The following MAP2 variants were observed in gnomAD, a reference collection of about 807,000 sequenced individuals.
The protein encoded by MAP2 is microtubule associated protein 2, also known as microtubule-associated protein 2.
Under a neutral mutation model 137.6 loss-of-function variants are expected in MAP2, and 14 were observed. That is an observed-to-expected ratio of 0.10 (90% CI 0.07 to 0.16). The LOEUF (loss-of-function observed/expected upper bound fraction) is 0.16, where lower values mean the gene tolerates loss of function less well. Among genes scored for constraint, MAP2 ranks in the 10% least tolerant of loss-of-function variants. The pLI is 1.00. For synonymous variants in MAP2, 786 were observed against 782.3 expected (o/e 1.00, Z -0.08); for missense variants, 2,088 against 2,191.5 (o/e 0.95, Z 0.94).
chr2:209,712,548 C>T, intron 13 of MAP2, among the ~76,000 whole-genome samples: 1 of 152,050 alleles, frequency 6.6e-6, no homozygotes, highest in East Asian at 1.9e-4. Context: ...CCAAGATAAA[C>T]AGATGAAAGA....
intron 1 of MAP2, among the ~76,000 whole-genome samples, chr2:209,482,636 A>G (rs2057871508): frequency 6.6e-6 from 1 of 152,168 alleles, no homozygotes; most frequent in South Asian, 2.1e-4. Context: ...ACATTATCTG[A>G]TTATCTCAAA....
chr2:209,501,672 A>G (rs2060393655), intron 1 of MAP2, among the ~76,000 whole-genome samples: 1 of 152,168 alleles, frequency 6.6e-6, no homozygotes, highest in African/African-American at 2.4e-5. Context: ...TACTACACAA[A>G]AAGTCTTGAC....
Position 209,549,482 on chromosome 2 carries a change from C to G in MAP2, c.-171-30554C>G, listed in dbSNP as rs1231469051. Among the ~76,000 whole-genome samples, 9 of 152,240 alleles carry G rather than the reference C, an allele frequency of 5.9e-5. No individual in the cohort carries two copies. The East Asian group carries it at 1.5e-3, about 26-fold the overall frequency. On this transcript the variant is annotated intron_variant, in intron 2 of 15. Transcript: ENST00000682079. The stretch of plus-strand genomic sequence containing the variant: ...GAACTGTGTTATTATTCCCAAAAGT[C>G]AGTCTTAGTTACCTATAAGGAATAA...
Position 209,653,176 on chromosome 2 carries a change from A to G in MAP2, c.6A>G (p.Ala2=). Residue 2 remains alanine (A), a synonymous_variant, in exon 5 of 16, where the codon GCA becomes GCG. Transcript: ENST00000682079. Reference sequence around the variant, plus strand: ...AAATAACAAGGCATTGAAGAATGGCAGATGAACGGAAAGATGAAGCAAAGG... The same window carrying G: ...AAATAACAAGGCATTGAAGAATGGCGGATGAACGGAAAGATGAAGCAAAGG... M[A]DERKDEAKAP... The G allele has an allele frequency of 1.9e-6, 3 of 1,594,654 alleles. No individual in the cohort carries two copies. Among genetic ancestry groups the G allele is most frequent in the Non-Finnish European group, 2.6e-6 (3 of 1,172,024 alleles).
At chr2:209,608,069 A>T (rs949960563) in intron 3 of MAP2, among the ~76,000 whole-genome samples, 1 of 152,158 alleles carries the variant, frequency 6.6e-6, no homozygotes, top group Non-Finnish European at 1.5e-5. Context: ...TTTACTTTTT[A>T]TGTTGAATGA....
chr2:209,508,801 T>C (rs1177204241), intron 2 of MAP2, among the ~76,000 whole-genome samples: 1 of 152,052 alleles, frequency 6.6e-6, no homozygotes, highest in South Asian at 2.1e-4. Context: ...ATTATTTTAT[T>C]AAGTGTTTTT....
intron 1 of MAP2, among the ~76,000 whole-genome samples, chr2:209,461,359 A>G (rs1702762715): frequency 6.6e-6 from 1 of 152,244 alleles, no homozygotes; most frequent in Admixed American, 6.5e-5. Flanking sequence ...CATGCCAGAC[A>G]GTATGGATTC....
intron 4 of MAP2, among the ~76,000 whole-genome samples, chr2:209,627,611 C>T (rs1271076786): frequency 6.6e-6 from 1 of 152,042 alleles, no homozygotes; most frequent in Non-Finnish European, 1.5e-5. Flanking sequence ...ATTCTGCCTA[C>T]CAGAAAATAA....
intron 1 of MAP2, among the ~76,000 whole-genome samples, chr2:209,504,266 T>TA (rs11389534): frequency 0.53 from 79,291 of 149,376 alleles, 21,836 homozygotes; most frequent in Middle Eastern, 0.62. Flanking sequence ...AACTGAACTT[T>TA]AAAAAAAAAA....
rs559914696 is a variant in MAP2 at position 209,721,170 on chromosome 2, T to C, written c.5074-4539T>C. Among the ~76,000 whole-genome samples, 27 of 152,314 alleles carry C rather than the reference T, an allele frequency of 1.8e-4. No homozygotes were observed. The East Asian group carries it at 4.8e-3, about 27-fold the overall frequency. On this transcript the variant is annotated intron_variant, in intron 13 of 15. Coordinates refer to ENST00000682079, the MANE Select transcript of MAP2 (RefSeq NM_001375505.1). Reference sequence around the variant, plus strand: ...GAATAGGCGAACATTCAGGTGCAAGTTGTCAAGCTAGAGTGTAACTCTTCA... The same window carrying C: ...GAATAGGCGAACATTCAGGTGCAAGCTGTCAAGCTAGAGTGTAACTCTTCA...
At chr2:209,437,942 A>C (rs1016779787) in intron 1 of MAP2, among the ~76,000 whole-genome samples, 1 of 151,598 alleles carries the variant, frequency 6.6e-6, no homozygotes, top group Non-Finnish European at 1.5e-5. Flanking sequence ...TTTCAACCAG[A>C]TGTGGAACAT....
In MAP2 at chr2:209,629,420, G is replaced by A. The variant is rs114648144; in HGVS notation, c.-30+4291G>A. Among the ~76,000 whole-genome samples, 1,387 of 152,116 alleles carry A rather than the reference G, an allele frequency of 9.1e-3. 18 individuals are homozygous for A. The highest frequency in any genetic ancestry group is 0.032 in the African/African-American group (1,326 of 41,478). On this transcript the variant is annotated intron_variant, in intron 4 of 15. Coordinates refer to ENST00000682079, the MANE Select transcript of MAP2 (RefSeq NM_001375505.1). ...GTGTTTATATCATTGAGAACATTTG[G>A]CAAGAGAAAGACAAACAGTAGAACC...
chr2:209,686,035 A>G (rs1298121011), intron 7 of MAP2, among the ~76,000 whole-genome samples: 1 of 152,246 alleles, frequency 6.6e-6, no homozygotes, highest in Non-Finnish European at 1.5e-5. Flanking sequence ...AGTAACTTGC[A>G]TACATGGGGA....
intron 11 of MAP2, chr2:209,704,337 GTTC>G: frequency 1.2e-6 from 1 of 810,368 alleles, no homozygotes; most frequent in Non-Finnish European, 1.9e-6. Context: ...TTTATCATGT[GTTC>G]TTATTAAAAA....
chr2:209,498,043 A>G lies in MAP2; in HGVS notation c.-221-9549A>G, dbSNP rs544308381. Among the ~76,000 whole-genome samples the G allele has an allele frequency of 3.9e-5, 6 of 152,338 alleles. No homozygotes were observed. The South Asian group carries it at 1.0e-3, about 26-fold the overall frequency. On this transcript the variant is annotated intron_variant, in intron 1 of 15. Coordinates refer to ENST00000682079, the MANE Select transcript of MAP2 (RefSeq NM_001375505.1). ...ATTCAAAAGTACAAAGCCTCATTTG[A>G]AACAAGGCAAATCCCTTCAATCTAC...
intron 1 of MAP2, among the ~76,000 whole-genome samples, chr2:209,458,077 AT>A (rs971377922): frequency 2.6e-4 from 39 of 148,810 alleles, no homozygotes; most frequent in East Asian, 7.8e-4. Context: ...TAAGTAGGTA[AT>A]TTTTTTTTTT....
At chr2:209,468,886 G>T (rs1472797197) in intron 1 of MAP2, among the ~76,000 whole-genome samples, 1 of 152,160 alleles carries the variant, frequency 6.6e-6, no homozygotes, top group Non-Finnish European at 1.5e-5. Flanking sequence ...TAATGTTGAT[G>T]GGACTGCTCC....
intron 1 of MAP2, among the ~76,000 whole-genome samples, chr2:209,430,430 CT>C (rs1364257672): frequency 6.6e-6 from 1 of 151,722 alleles, no homozygotes; most frequent in Non-Finnish European, 1.5e-5. Flanking sequence ...TATATATTTG[CT>C]TTTTTCATTG....
intron 1 of MAP2, among the ~76,000 whole-genome samples, chr2:209,444,909 A>T (rs1182787730): frequency 6.6e-6 from 1 of 151,468 alleles, no homozygotes; most frequent in Non-Finnish European, 1.5e-5. Context: ...ATTGTCACAT[A>T]TAAAAAAGCT....
Sources: gnomAD v4.1 joint callset for allele counts (sites outside exome capture counted in the v4.1 genomes callset) on GRCh38, gnomAD v4.1.1 for gene constraint, MANE v1.5 for transcripts, NCBI Gene and HGNC (gene_info 2026-07-23, HGNC 2026-07-21) for gene names.